The following NRXN3 variants were observed in gnomAD, a reference collection of about 807,000 sequenced individuals.
The protein encoded by NRXN3 is neurexin 3.
NRXN3 carries 32 observed loss-of-function variants against 137.6 expected under a neutral mutation model. The ratio of observed to expected loss-of-function variants is 0.23; its 90% CI spans 0.18 to 0.31. NRXN3 has a LOEUF of 0.31. Among genes scored for constraint, NRXN3 ranks in the 10% least tolerant of loss-of-function variants. The pLI, the probability that NRXN3 is intolerant of heterozygous loss-of-function variation, is 1.00. For synonymous variants in NRXN3, 798 were observed against 784.5 expected (o/e 1.02, Z -0.29); for missense variants, 1,574 against 2,062.5 (o/e 0.76, Z 4.59).
intron 16 of NRXN3, among the ~76,000 whole-genome samples, chr14:79,491,551 T>A (rs555184138): frequency 1.3e-5 from 2 of 152,036 alleles, no homozygotes; most frequent in Middle Eastern, 3.4e-3. Flanking sequence ...CTCAACATTT[T>A]TCCAAAGAGG....
chr14:78,886,781 T>C (rs779012784), intron 10 of NRXN3, among the ~76,000 whole-genome samples: 17 of 152,132 alleles, frequency 1.1e-4, no homozygotes, highest in Non-Finnish European at 2.2e-4. Context: ...TGCCTTTGGG[T>C]TTAATCTGTG....
intron 2 of NRXN3, among the ~76,000 whole-genome samples, chr14:78,274,314 C>T (rs2073249428): frequency 6.6e-6 from 1 of 152,172 alleles, no homozygotes; most frequent in African/African-American, 2.4e-5. Flanking sequence ...AACTTACAAT[C>T]ATGGCAGAAG....
At chr14:79,813,005 T>TTCTTTTTATTCTACATTTTTCTTCC (rs2099239891) in intron 20 of NRXN3, among the ~76,000 whole-genome samples, 1 of 152,184 alleles carries the variant, frequency 6.6e-6, no homozygotes, top group African/African-American at 2.4e-5. Flanking sequence ...TATATATATA[T>TTCTTTTTATTCTACATTTTTCTTCC]ATATGATATG....
chr14:78,948,162 G>A (rs937752627), intron 10 of NRXN3, among the ~76,000 whole-genome samples: 1 of 152,182 alleles, frequency 6.6e-6, no homozygotes, highest in East Asian at 1.9e-4. Flanking sequence ...AGCAGGGAGA[G>A]TAAGCAGTGC....
intron 16 of NRXN3, among the ~76,000 whole-genome samples, chr14:79,492,982 G>A (rs2096731807): frequency 6.6e-6 from 1 of 152,198 alleles, no homozygotes; most frequent in Admixed American, 6.5e-5. Context: ...ATGCCCAACA[G>A]GAACAGCAAA....
chr14:78,986,866 C>CA (rs1339842546), intron 14 of NRXN3, among the ~76,000 whole-genome samples: 7 of 151,070 alleles, frequency 4.6e-5, no homozygotes, highest in Non-Finnish European at 8.9e-5. Context: ...ACTAAAAATA[C>CA]AAAAAAATTA....
intron 15 of NRXN3, among the ~76,000 whole-genome samples, chr14:79,044,466 G>C (rs976979866): frequency 2.0e-5 from 3 of 152,142 alleles, no homozygotes; most frequent in African/African-American, 4.8e-5. Flanking sequence ...GGAGAATAAT[G>C]ATTGTACCTT....
rs971119122 is a variant in NRXN3, at chr14:78,767,182, C to T, written c.2045-36438C>T. ...CTTGGGATCTTGTTCCAAGCTCACA[C>T]GGTTAGCAGGATTTAATTCCCTGAA... On this transcript the variant is annotated intron_variant, in intron 8 of 20. Coordinates refer to ENST00000335750, the MANE Select transcript of NRXN3 (RefSeq NM_001330195.2). Among the ~76,000 whole-genome samples, 6 of 152,164 alleles carry T rather than the reference C, an allele frequency of 3.9e-5. No individual in the cohort carries two copies. The South Asian group carries it at 6.2e-4, about 16-fold the overall frequency.
At chr14:78,938,551 A>G (rs997311260) in intron 10 of NRXN3, among the ~76,000 whole-genome samples, 3 of 152,078 alleles carry the variant, frequency 2.0e-5, no homozygotes, top group African/African-American at 7.2e-5. Flanking sequence ...GATGTGGAGA[A>G]ATCTCAACCT....
At chr14:78,320,578 A>AGTGCTTGT (rs1281734685) in intron 4 of NRXN3, among the ~76,000 whole-genome samples, 1 of 152,184 alleles carries the variant, frequency 6.6e-6, no homozygotes, top group Non-Finnish European at 1.5e-5. Flanking sequence ...AGGAATCGAA[A>AGTGCTTGT]GTGCTTGTGT....
chr14:78,266,896 A>G (rs1261316936), intron 2 of NRXN3, among the ~76,000 whole-genome samples: 2 of 152,202 alleles, frequency 1.3e-5, no homozygotes, highest in Non-Finnish European at 2.9e-5. Context: ...AGAGTCTTCT[A>G]ATAGGGCTAC....
At chr14:78,887,079 G>T (rs1457875797) in intron 10 of NRXN3, among the ~76,000 whole-genome samples, 2 of 152,060 alleles carry the variant, frequency 1.3e-5, no homozygotes, top group Admixed American at 6.6e-5. Flanking sequence ...TTCTGATGGC[G>T]ATGGTGATGA....
rs115214325 is a variant in NRXN3 at position 78,189,304 on chromosome 14, A to T, written c.-704+18630A>T. ...ACTCTGTGCATTTGTTTCTCCACTC[A>T]GCAGGCTGGAGTGATCCTTTAATAA... On this transcript the variant is annotated intron_variant, in intron 1 of 20. Transcript: ENST00000335750. Among the ~76,000 whole-genome samples, 744 of 152,298 alleles carry T rather than the reference A, an allele frequency of 4.9e-3. 9 individuals are homozygous for T. Among genetic ancestry groups the T allele is most frequent in the African/African-American group, 0.017 (697 of 41,566 alleles).
intron 4 of NRXN3, among the ~76,000 whole-genome samples, chr14:78,520,434 A>G (rs2096269367): frequency 6.6e-6 from 1 of 152,134 alleles, no homozygotes; most frequent in Non-Finnish European, 1.5e-5. Flanking sequence ...TATACTTATT[A>G]CGTATTTATT....
rs192043802 is a variant in NRXN3, at chr14:78,817,329, T to C, written c.2275+6985T>C. Among the ~76,000 whole-genome samples the C allele has an allele frequency of 3.0e-4, 46 of 152,300 alleles. No homozygotes were observed. In the East Asian group the frequency reaches 7.5e-3, roughly 25 times the overall value. ...GCACCAAATTAAAAAGTAAACGTGA[T>C]GTGAACTTGAGGCATTAAATTACAA... On this transcript the variant is annotated intron_variant, in intron 10 of 20. Transcript: ENST00000335750.
At chr14:79,594,395 A>T (rs2097841905) in intron 16 of NRXN3, among the ~76,000 whole-genome samples, 1 of 152,182 alleles carries the variant, frequency 6.6e-6, no homozygotes, top group South Asian at 2.1e-4. Flanking sequence ...TATCTTTCAG[A>T]TATTTGGGGA....
At chr14:79,023,870 G>C (rs369174149) in intron 15 of NRXN3, among the ~76,000 whole-genome samples, 1 of 152,056 alleles carries the variant, frequency 6.6e-6, no homozygotes, top group East Asian at 1.9e-4. Context: ...ATTTGGATGG[G>C]GATGCAGCCA....
At chr14:79,372,797 C>G (rs908649822) in intron 15 of NRXN3, among the ~76,000 whole-genome samples, 16 of 152,210 alleles carry the variant, frequency 1.1e-4, no homozygotes, top group African/African-American at 3.9e-4. Flanking sequence ...TCCCCTACCC[C>G]CAAAGAAACT....
intron 3 of NRXN3, among the ~76,000 whole-genome samples, chr14:78,286,607 C>T (rs934294775): frequency 6.6e-6 from 1 of 152,144 alleles, no homozygotes; most frequent in Non-Finnish European, 1.5e-5. Context: ...GGTAGCTTAG[C>T]TGACTGTGAC....
Sources: gnomAD v4.1 joint callset for allele counts (sites outside exome capture counted in the v4.1 genomes callset) on GRCh38, gnomAD v4.1.1 for gene constraint, MANE v1.5 for transcripts, NCBI Gene and HGNC (gene_info 2026-07-23, HGNC 2026-07-21) for gene names.